BANK1: variants seen among roughly 807,000 people sequenced by gnomAD.
BANK1 encodes the protein B cell scaffold protein with ankyrin repeats 1, also known as B-cell scaffold protein with ankyrin repeats.
In BANK1, 95 loss-of-function variants were observed where a neutral mutation model predicts 94.5. That is an observed-to-expected ratio of 1.00 (90% CI 0.85 to 1.19). The LOEUF (loss-of-function observed/expected upper bound fraction) is 1.19, where lower values mean the gene tolerates loss of function less well. Among genes scored for constraint, BANK1 ranks in the 50% most tolerant of loss-of-function variants. The probability of loss-of-function intolerance (pLI) is 0.00; values close to 1 mark genes in which losing one functional copy is unlikely to be tolerated. For synonymous variants in BANK1, 334 were observed against 308.4 expected (o/e 1.08, Z -0.87); for missense variants, 987 against 932.2 (o/e 1.06, Z -0.77).
rs764845597 is a variant in BANK1 at position 102,029,929 on chromosome 4, AGTAAACACCAT to A, written c.1595-25_1595-15del. On this transcript the variant is annotated intron_variant, in intron 9 of 16. Coordinates refer to ENST00000322953, the MANE Select transcript of BANK1 (RefSeq NM_017935.5). Reference sequence around the variant, plus strand: ...CCAATAATGTTGCATGTAACAGAAGAGTAAACACCATGTAAATATTTCATAAACAGGGACAA... The same window carrying A: ...CCAATAATGTTGCATGTAACAGAAGAGTAAATATTTCATAAACAGGGACAA... 694 of 1,563,448 alleles carry A rather than the reference AGTAAACACCAT, an allele frequency of 4.4e-4. No homozygotes were observed. The highest frequency in any genetic ancestry group is 5.7e-4 in the Non-Finnish European group (664 of 1,160,794).
intron 4 of BANK1, among the ~76,000 whole-genome samples, chr4:101,868,577 T>C (rs1307122881): frequency 6.6e-6 from 1 of 151,954 alleles, no homozygotes; most frequent in Admixed American, 6.6e-5. Context: ...TTGTGTGTAC[T>C]TACAGGGTTA....
At chr4:102,051,697 C>A (rs1038452200) in intron 11 of BANK1, among the ~76,000 whole-genome samples, 1 of 152,178 alleles carries the variant, frequency 6.6e-6, no homozygotes, top group African/African-American at 2.4e-5. Context: ...AGCTACCTCT[C>A]TGCTACATAA....
chr4:101,836,509 A>G (rs933247439), intron 2 of BANK1, among the ~76,000 whole-genome samples: 2 of 152,114 alleles, frequency 1.3e-5, no homozygotes, highest in Non-Finnish European at 2.9e-5. Flanking sequence ...AAAAACAAAA[A>G]AATTTCATTT....
chr4:102,066,256 C>CT (rs35912776), intron 13 of BANK1, among the ~76,000 whole-genome samples: 1,745 of 143,882 alleles, frequency 0.012, 12 homozygotes, highest in Non-Finnish European at 0.016. Flanking sequence ...ACAATAACAT[C>CT]TTTTTTTTTT....
intron 4 of BANK1, among the ~76,000 whole-genome samples, chr4:101,868,129 G>A (rs1351438549): frequency 1.3e-5 from 2 of 151,990 alleles, no homozygotes; most frequent in African/African-American, 4.8e-5. Flanking sequence ...GTTGGAGCAA[G>A]GTAGGTTGGA....
intron 7 of BANK1, among the ~76,000 whole-genome samples, chr4:101,923,775 T>G (rs1723072189): frequency 6.6e-6 from 1 of 151,838 alleles, no homozygotes; most frequent in East Asian, 1.9e-4. Context: ...TCTGACTTCT[T>G]AGGCCAGAAA....
intron 10 of BANK1, among the ~76,000 whole-genome samples, chr4:102,042,155 A>C (rs1284784482): frequency 6.6e-6 from 1 of 152,064 alleles, no homozygotes; most frequent in African/African-American, 2.4e-5. Context: ...CACGTTATTA[A>C]AATTTTTAAA....
rs1728848024 is a variant in BANK1 at position 102,074,178 on chromosome 4, A to G, written c.*179A>G. ...TTTATTCTCATTATACCTGCTTCATATGGGTATATTACTATTAAAACAGAA... is the reference window on the plus strand; with the variant it reads ...TTTATTCTCATTATACCTGCTTCATGTGGGTATATTACTATTAAAACAGAA... On this transcript the variant is annotated 3_prime_UTR_variant, in exon 17 of 17. Coordinates refer to ENST00000322953, the MANE Select transcript of BANK1 (RefSeq NM_017935.5). 1 of 157,438 alleles carries G rather than the reference A, an allele frequency of 6.4e-6. No homozygotes were observed. The highest frequency in any genetic ancestry group is 6.4e-5 in the Admixed American group (1 of 15,514). 9.8% of individuals were successfully genotyped at this position (157,438 alleles called of 1,614,324 possible). A position where few individuals can be genotyped will look rare whatever the true frequency, so the allele number is the denominator to read the frequency against.
In BANK1 at chr4:101,875,525, A is replaced by G. The variant is rs930273255; in HGVS notation, c.903+4881A>G. ...TGGGGGGACTGCCACACATTTTTAAACCATCAGATCTCATTAGAACTCACT... is the reference window on the plus strand; with the variant it reads ...TGGGGGGACTGCCACACATTTTTAAGCCATCAGATCTCATTAGAACTCACT... On this transcript the variant is annotated intron_variant, in intron 5 of 16. Transcript: ENST00000322953. Among the ~76,000 whole-genome samples the G allele has an allele frequency of 5.3e-5, 8 of 152,204 alleles. No individual in the cohort carries two copies. The East Asian group carries it at 1.2e-3, about 22-fold the overall frequency.
intron 10 of BANK1, among the ~76,000 whole-genome samples, chr4:102,031,511 C>T (rs1462845878): frequency 6.6e-6 from 1 of 152,074 alleles, no homozygotes; most frequent in East Asian, 1.9e-4. Flanking sequence ...GAAGTCCTTG[C>T]CCATGTACTG....
At chr4:101,956,390 C>A (rs547537199) in intron 7 of BANK1, among the ~76,000 whole-genome samples, 8 of 152,080 alleles carry the variant, frequency 5.3e-5, no homozygotes, top group Non-Finnish European at 8.8e-5. Flanking sequence ...GTAATACTAC[C>A]CCATTTTGTG....
At chr4:102,032,959 G>A (rs1727382903) in intron 10 of BANK1, among the ~76,000 whole-genome samples, 1 of 151,952 alleles carries the variant, frequency 6.6e-6, no homozygotes, top group Non-Finnish European at 1.5e-5. Flanking sequence ...CTTATGGACA[G>A]CATTGTAGGG....
chr4:101,864,518 C>G (rs1243291032), intron 4 of BANK1, among the ~76,000 whole-genome samples: 1 of 152,146 alleles, frequency 6.6e-6, no homozygotes, highest in Non-Finnish European at 1.5e-5. Flanking sequence ...ACTACAAAAT[C>G]GACCACGTTT....
chr4:101,801,974 C>A (rs952383971), intron 1 of BANK1, among the ~76,000 whole-genome samples: 5 of 152,206 alleles, frequency 3.3e-5, no homozygotes, highest in African/African-American at 1.2e-4. Flanking sequence ...AGCCACCTGC[C>A]TGCTAGGGTC....
At chr4:101,877,152 A>G (rs1341319908) in intron 5 of BANK1, among the ~76,000 whole-genome samples, 2 of 152,220 alleles carry the variant, frequency 1.3e-5, no homozygotes, top group African/African-American at 4.8e-5. Context: ...GGGTAATAAC[A>G]GATAATTTCC....
intron 7 of BANK1, among the ~76,000 whole-genome samples, chr4:101,978,482 C>T (rs538971848): frequency 1.3e-3 from 194 of 152,102 alleles, no homozygotes; most frequent in Admixed American, 2.4e-3. Context: ...TTACAATTAT[C>T]GTTTGAAGGT....
At chr4:101,955,619 C>A (rs1724310912) in intron 7 of BANK1, among the ~76,000 whole-genome samples, 1 of 152,098 alleles carries the variant, frequency 6.6e-6, no homozygotes, top group Non-Finnish European at 1.5e-5. Flanking sequence ...ATTTGATACT[C>A]GGTTTCTTGC....
chr4:101,819,173 G>T (rs1726038961), intron 1 of BANK1, among the ~76,000 whole-genome samples: 1 of 152,020 alleles, frequency 6.6e-6, no homozygotes, highest in Non-Finnish European at 1.5e-5. Flanking sequence ...CAGTCTTTGG[G>T]AATTTTTTAT....
chr4:102,073,705 GA>G lies in BANK1; in HGVS notation c.2324del (p.Lys775ArgfsTer30). The G allele has an allele frequency of 6.2e-7, 1 of 1,611,110 alleles. No individual in the cohort carries two copies. The highest frequency in any genetic ancestry group is 8.5e-7 in the Non-Finnish European group (1 of 1,178,494). ...SNKLPARPQVEKEFGFCCKKD... is the reference protein window; with the variant it reads ...SNKLPARPQVXKEFGFCCKKD... ...TCAGCTTCCTGCTCGACCCCAAGTT[GA>G]AAAGGAATTTGGTTTCTGTTGCAAG... On this transcript the variant is annotated frameshift_variant, in exon 16 of 17. Coordinates refer to ENST00000322953, the MANE Select transcript of BANK1 (RefSeq NM_017935.5). LOFTEE classifies it high-confidence loss of function.
Sources: gnomAD v4.1 joint callset for allele counts (sites outside exome capture counted in the v4.1 genomes callset) on GRCh38, gnomAD v4.1.1 for gene constraint, MANE v1.5 for transcripts, NCBI Gene and HGNC (gene_info 2026-07-23, HGNC 2026-07-21) for gene names.